The following RASGRF2 variants were observed in gnomAD, a reference collection of about 807,000 sequenced individuals.
RASGRF2 encodes ras-specific guanine nucleotide-releasing factor 2.
In RASGRF2, 76 loss-of-function variants were observed where a neutral mutation model predicts 151.0. That is an observed-to-expected ratio of 0.50 (90% CI 0.42 to 0.61). The LOEUF is 0.61. Among genes scored for constraint, RASGRF2 ranks in the 20% least tolerant of loss-of-function variants. The pLI, the probability that RASGRF2 is intolerant of heterozygous loss-of-function variation, is 0.00. For missense variants in RASGRF2, 1,148 were observed against 1,564.6 expected (o/e 0.73, Z 4.49); for synonymous variants, 504 against 566.5 (o/e 0.89, Z 1.57).
intron 18 of RASGRF2, among the ~76,000 whole-genome samples, chr5:81,180,567 CACA>C (rs1754891663): frequency 6.6e-6 from 1 of 152,260 alleles, no homozygotes; most frequent in East Asian, 1.9e-4. Context: ...GCACCTGAGC[CACA>C]ACAAGGCCTC....
chr5:81,113,410 C>T (rs26422), intron 14 of RASGRF2, 128 bp from the exon 15 acceptor site: 47 of 1,116,832 alleles, frequency 4.2e-5, no homozygotes, highest in East Asian at 1.2e-4. Context: ...TTTAGATTAA[C>T]GGAAGTCCAG....
At chr5:81,194,599 C>A (rs1029318012) in intron 18 of RASGRF2, among the ~76,000 whole-genome samples, 1 of 152,160 alleles carries the variant, frequency 6.6e-6, no homozygotes, top group Non-Finnish European at 1.5e-5. Context: ...GTGTTTTGCT[C>A]CTAAGCGTGT....
rs150679588 is a variant in RASGRF2, at chr5:80,984,157, T to G, written c.288+23131T>G. ...CTCACTGCAACCTCTGCCTCCCAGA[T>G]TCAAGTGATTCTCCTGCCTCAGTCT... On this transcript the variant is annotated intron_variant, in intron 1 of 26. Transcript: ENST00000265080. Among the ~76,000 whole-genome samples, 1,047 of 152,332 alleles carry G rather than the reference T, an allele frequency of 6.9e-3. 18 individuals are homozygous for G. The highest frequency in any genetic ancestry group is 0.062 in the East Asian group (324 of 5,186).
chr5:81,067,985 A>G (rs868084090), intron 2 of RASGRF2, 47 bp from the exon 3 acceptor site: 1 of 1,511,286 alleles, frequency 6.6e-7, no homozygotes, highest in Middle Eastern at 1.8e-4. Flanking sequence ...GGAACTCTAT[A>G]TAGTAGAACA....
chr5:80,968,913 G>A (rs113608747), intron 1 of RASGRF2, among the ~76,000 whole-genome samples: 7,488 of 151,740 alleles, frequency 0.049, 414 homozygotes, highest in African/African-American at 0.14. Context: ...TGAACTCCTG[G>A]CCTCAAGCAA....
rs752267061 is a variant in RASGRF2, at chr5:80,960,763, G to C, written c.25G>C (p.Glu9Gln). 6.2e-7 allele frequency: 1 copy of C among 1,603,588 alleles called. No individual in the cohort carries two copies. Among genetic ancestry groups the C allele is most frequent in the Non-Finnish European group, 8.5e-7 (1 of 1,173,132 alleles). The change falls in exon 1 of 27, where the codon GAG (glutamate) becomes CAG (glutamine). Residue 9 changes from glutamate to glutamine, a missense_variant. Glu to Gln is a conservative substitution (Grantham distance 29). Transcript: ENST00000265080. This position sits in a 1 kb window ranked among gnomAD's most constrained non-coding sequence, Gnocchi z 5.5. MQKSVRYN[E>Q]GHALYLAFLA... ...CATGCAGAAGAGCGTGCGCTACAAC[G>C]AGGGGCACGCCCTGTACCTGGCCTT...
At chr5:81,168,555 C>A (rs10474027) in intron 17 of RASGRF2, among the ~76,000 whole-genome samples, 1 of 152,100 alleles carries the variant, frequency 6.6e-6, no homozygotes, top group African/African-American at 2.4e-5. Flanking sequence ...AGGTGATCCA[C>A]CCACCTCAGC....
intron 22 of RASGRF2, among the ~76,000 whole-genome samples, chr5:81,209,491 A>G (rs1472126250): frequency 1.3e-5 from 2 of 152,242 alleles, no homozygotes; most frequent in Non-Finnish European, 2.9e-5. Context: ...TAAGTGATCT[A>G]GAATCAAAAT....
intron 5 of RASGRF2, among the ~76,000 whole-genome samples, chr5:81,073,894 G>A (rs1388967573): frequency 6.6e-6 from 1 of 152,188 alleles, no homozygotes; most frequent in African/African-American, 2.4e-5. Context: ...TGAGATTACA[G>A]GCGTGAGCCA....
chr5:80,993,707 T>G (rs1030683578), intron 1 of RASGRF2, among the ~76,000 whole-genome samples: 2 of 151,254 alleles, frequency 1.3e-5, no homozygotes, highest in Non-Finnish European at 2.9e-5. Context: ...GGGAAGGGAG[T>G]GGTTATAGAA....
intron 17 of RASGRF2, among the ~76,000 whole-genome samples, chr5:81,172,742 G>A (rs955179858): frequency 1.3e-5 from 2 of 152,048 alleles, no homozygotes; most frequent in South Asian, 2.1e-4. Flanking sequence ...TTTATAGAAG[G>A]CCTATGATGC....
At chr5:81,044,837 G>T (rs1448444225) in intron 2 of RASGRF2, among the ~76,000 whole-genome samples, 2 of 151,848 alleles carry the variant, frequency 1.3e-5, no homozygotes, top group Non-Finnish European at 2.9e-5. Flanking sequence ...GTCTTTTCTT[G>T]TTCTATTTTT....
chr5:81,176,298 C>G (rs941540079), intron 17 of RASGRF2, among the ~76,000 whole-genome samples: 6 of 152,170 alleles, frequency 3.9e-5, no homozygotes, highest in African/African-American at 9.7e-5. Flanking sequence ...AAGCCATTCT[C>G]TCCTAAAATC....
At chr5:81,076,018 G>T (rs1203865923) in intron 5 of RASGRF2, among the ~76,000 whole-genome samples, 1 of 152,144 alleles carries the variant, frequency 6.6e-6, no homozygotes, top group African/African-American at 2.4e-5. Flanking sequence ...AGAGTGAGTT[G>T]TCCTGGAAAC....
At chr5:81,173,059 A>T (rs916689014) in intron 17 of RASGRF2, among the ~76,000 whole-genome samples, 1 of 152,098 alleles carries the variant, frequency 6.6e-6, no homozygotes, top group Admixed American at 6.5e-5. Context: ...AAAACAAAAG[A>T]TTGCCAACTG....
chr5:80,996,516 C>CCTCCCCCTCCTCCTG (rs1748877359), intron 1 of RASGRF2, among the ~76,000 whole-genome samples: 1 of 48,322 alleles, frequency 2.1e-5, no homozygotes. Flanking sequence ...TCCTCCTCCT[C>CCTCCCCCTCCTCCTG]CTCCCCCTCC....
intron 18 of RASGRF2, among the ~76,000 whole-genome samples, chr5:81,186,212 G>A (rs992217077): frequency 3.9e-5 from 6 of 152,040 alleles, no homozygotes; most frequent in East Asian, 1.9e-4. Flanking sequence ...ATCACATACC[G>A]CATATAAAGG....
At chr5:81,191,882 A>G (rs1410854114) in intron 18 of RASGRF2, among the ~76,000 whole-genome samples, 1 of 150,766 alleles carries the variant, frequency 6.6e-6, no homozygotes, top group Non-Finnish European at 1.5e-5. Flanking sequence ...TCAAATAAAT[A>G]GTTTTCTGGA....
chr5:81,150,677 C>T (rs1754114922), intron 17 of RASGRF2, among the ~76,000 whole-genome samples: 2 of 152,168 alleles, frequency 1.3e-5, no homozygotes, highest in South Asian at 4.1e-4. Context: ...CACGACTCCC[C>T]AGACTGATTT....
Sources: allele counts gnomAD v4.1 joint callset (sites outside exome capture counted in the v4.1 genomes callset), GRCh38; gene constraint gnomAD v4.1.1; non-coding constraint Gnocchi (gnomAD v3.1); transcripts MANE v1.5; gene names NCBI Gene and HGNC (gene_info 2026-07-23, HGNC 2026-07-21).